The following ARHGAP45 variants were observed in gnomAD, a reference collection of about 807,000 sequenced individuals.
The protein encoded by ARHGAP45 is Rho GTPase activating protein 45, also known as rho GTPase-activating protein 45.
ARHGAP45 carries 56 observed loss-of-function variants against 116.1 expected under a neutral mutation model. The observed-to-expected ratio is 0.48, with a 90% CI of 0.39 to 0.60. The LOEUF is 0.60. ARHGAP45 is among the 20% of genes least tolerant of loss of function. ARHGAP45 has a pLI of 0.00. For missense variants in ARHGAP45, 1,622 were observed against 1,601.0 expected (o/e 1.01, Z -0.22); for synonymous variants, 866 against 701.7 (o/e 1.23, Z -3.70).
chr19:1,084,068 C>T (rs748960465), intron 21 of ARHGAP45, among the ~76,000 whole-genome samples, 170 bp from the exon 22 acceptor site: 18 of 152,104 alleles, frequency 1.2e-4, no homozygotes, highest in Non-Finnish European at 2.1e-4. Context: ...ATCCATCTTC[C>T]CTGGGTGTTT....
At chr19:1,084,473 C>T (rs1484492327) in intron 22 of ARHGAP45, 127 bp downstream of exon 22, 4 of 682,726 alleles carry the variant, frequency 5.9e-6, no homozygotes, top group Non-Finnish European at 9.8e-6. Context: ...TGGATTTCGT[C>T]TGCCACGGAG....
intron 11 of ARHGAP45, among the ~76,000 whole-genome samples, chr19:1,079,474 A>C (rs1234905562): frequency 2.0e-5 from 3 of 148,030 alleles, no homozygotes; most frequent in Middle Eastern, 3.5e-3. Context: ...ACTGCACTCC[A>C]GCCTGGCCTA....
intron 20 of ARHGAP45, 22 bp from the exon 21 acceptor site, chr19:1,083,121 C>G (rs1235455659): frequency 1.3e-6 from 2 of 1,593,378 alleles, no homozygotes; most frequent in African/African-American, 1.3e-5. Flanking sequence ...CGCTCAGCAC[C>G]TGGCCCCTGC....
At position 1,085,859 on chromosome 19, in the gene ARHGAP45, G is replaced by C; in HGVS notation, c.3264G>C (p.Gly1088=). 6.2e-7 allele frequency: 1 copy of C among 1,612,254 alleles called. No homozygotes were observed. The highest frequency in any genetic ancestry group is 8.5e-7 in the Non-Finnish European group (1 of 1,179,850). ...LEATAREDGD[G]DEDGPAQQLS... is the part of the protein sequence containing the mutation. ...CCACAGCCCGGGAGGACGGGGACGG[G>C]GACGAGGACGGCCCGGCCCAGCAGC... The change falls in exon 23 of 23, where the codon GGG becomes GGC. Residue 1088 remains glycine (G), a synonymous_variant. Transcript: ENST00000313093.
Position 1,085,648 on chromosome 19 carries a change from TC to T in ARHGAP45, c.3065-9del, listed in dbSNP as rs1211395951. 6.5e-7 allele frequency: 1 copy of T among 1,538,804 alleles called. No homozygotes were observed. Among genetic ancestry groups the T allele is most frequent in the Non-Finnish European group, 8.8e-7 (1 of 1,137,826 alleles). On this transcript the variant is annotated splice_polypyrimidine_tract_variant and intron_variant, in intron 22 of 22. Coordinates refer to ENST00000313093, the MANE Select transcript of ARHGAP45 (RefSeq NM_012292.5). The stretch of plus-strand genomic sequence containing the variant: ...TGTCTGTCTCCCCCCGCCATCTGTC[TC>T]CCTTTCTTAGAATCCCGAGTTGTGT...
chr19:1,082,553 G>T, intron 19 of ARHGAP45: 1 of 470,698 alleles, frequency 2.1e-6, no homozygotes. Context: ...TGGTTGGGAA[G>T]GGGTCAGACT....
chr19:1,075,611 G>T (rs1234414570), intron 10 of ARHGAP45, among the ~76,000 whole-genome samples: 1 of 151,306 alleles, frequency 6.6e-6, no homozygotes, highest in Non-Finnish European at 1.5e-5. Context: ...GCGCCTTTTT[G>T]TTTGTTTCTT....
In ARHGAP45 at chr19:1,080,534, C is replaced by T. The variant is rs140570939; in HGVS notation, c.1899C>T (p.Pro633=). ...CAGACTCGGACAGTGGGCTGGACCC[C>T]GGCCCTGGCGCAGGTGAGGGAGGCT... ...SISDSDSGLD[P]GPGAGDFKKF... is the part of the protein sequence containing the mutation. Residue 633 remains proline (P), a synonymous_variant, in exon 15 of 23, where the codon CCC becomes CCT. Coordinates refer to ENST00000313093, the MANE Select transcript of ARHGAP45 (RefSeq NM_012292.5). 1.2e-4 allele frequency: 200 copies of T among 1,612,900 alleles called. No homozygotes were observed. In the African/African-American group the frequency reaches 2.3e-3, roughly 18 times the overall value.
Position 1,067,294 on chromosome 19 carries a change from C to A in ARHGAP45, c.-112C>A. On this transcript the variant is annotated 5_prime_UTR_variant, in exon 1 of 23. Transcript: ENST00000313093. Reference sequence around the variant, plus strand: ...GGCCGGGCCTGTCACGTGGGCCTGACAGCTGGGGAGGGGGTGGCCGGCGAC... The same window carrying A: ...GGCCGGGCCTGTCACGTGGGCCTGAAAGCTGGGGAGGGGGTGGCCGGCGAC... The A allele has an allele frequency of 7.0e-7, 1 of 1,422,288 alleles. No homozygotes were observed. The highest frequency in any genetic ancestry group is 9.2e-7 in the Non-Finnish European group (1 of 1,090,190). The allele number at this position is 1,422,288 out of a possible 1,614,324, so 88.1% of individuals were successfully genotyped here. A position where few individuals can be genotyped will look rare whatever the true frequency, so the allele number is the denominator to read the frequency against.
intron 11 of ARHGAP45, 149 bp downstream of exon 11, chr19:1,078,194 A>G: frequency 1.5e-6 from 2 of 1,316,488 alleles, no homozygotes; most frequent in East Asian, 2.6e-5. Context: ...CCCAGGCTGG[A>G]GTGCAGTGGC....
intron 22 of ARHGAP45, 152 bp from the exon 23 acceptor site, chr19:1,085,508 C>CTTCCAT: frequency 1.6e-6 from 1 of 615,448 alleles, no homozygotes; most frequent in Non-Finnish European, 2.8e-6. Context: ...CCTTGTCTCT[C>CTTCCAT]CTCCATCTCT....
chr19:1,068,652 C>T lies in ARHGAP45; in HGVS notation c.329C>T (p.Pro110Leu), dbSNP rs751570740. The change falls in exon 2 of 23, where the codon CCG becomes CTG. Residue 110 changes from proline (P) to leucine (L), a missense_variant. Around this residue, in one of 3 missense-constraint regions of ARHGAP45, gnomAD observed 279 missense variants for 311.9 expected, o/e 0.89. Coordinates refer to ENST00000313093, the MANE Select transcript of ARHGAP45 (RefSeq NM_012292.5). The surrounding 1 kb of genome is among the most constrained non-coding windows in gnomAD (Gnocchi z 7.5). Reference protein sequence around the residue: ...PGELPTEGAGPDVVEDISHLL... With the variant: ...PGELPTEGAGLDVVEDISHLL... ...GAGCTGCCCACCGAGGGTGCCGGCC[C>T]GGACGTCGTCGAGGACATCTCCCAT... 1.1e-5 allele frequency: 17 copies of T among 1,612,486 alleles called. No individual in the cohort carries two copies. The highest frequency in any genetic ancestry group is 1.6e-4 in the Middle Eastern group (1 of 6,084).
At chr19:1,074,986 GC>G (rs938246325) in intron 10 of ARHGAP45, 107 bp downstream of exon 10, 16 of 915,014 alleles carry the variant, frequency 1.7e-5, no homozygotes, top group Non-Finnish European at 2.3e-5. Context: ...CTCCGCACAC[GC>G]CCCGGCCTCC....
Position 1,081,726 on chromosome 19 carries a change from G to C in ARHGAP45, c.2367G>C (p.Ala789=). ...KKCVCEIERR[A]LRTKGIYRVN... ...GCGTCTGCGAGATCGAGCGGCGGGCGCTGCGCACCAAGGTGAGGCGGGGGA... is the reference window on the plus strand; with the variant it reads ...GCGTCTGCGAGATCGAGCGGCGGGCCCTGCGCACCAAGGTGAGGCGGGGGA... The change falls in exon 18 of 23, where the codon GCG becomes GCC. Residue 789 remains alanine (A), a synonymous_variant. Transcript: ENST00000313093. The C allele has an allele frequency of 6.4e-7, 1 of 1,568,208 alleles. No homozygotes were observed. The highest frequency in any genetic ancestry group is 8.6e-7 in the Non-Finnish European group (1 of 1,156,690).
Position 1,083,134 on chromosome 19 carries a change from A to G in ARHGAP45, c.2745-9A>G, listed in dbSNP as rs768783543. On this transcript the variant is annotated splice_polypyrimidine_tract_variant and intron_variant, in intron 20 of 22. Transcript: ENST00000313093. ...GCCGCTCAGCACCTGGCCCCTGCCC[A>G]CCCCGCAGGATCGTGGAGGTGGAGC... is the stretch of plus-strand genomic sequence containing the variant. 6.2e-7 allele frequency: 1 copy of G among 1,601,314 alleles called. No individual in the cohort carries two copies. Among genetic ancestry groups the G allele is most frequent in the Non-Finnish European group, 8.5e-7 (1 of 1,176,556 alleles).
chr19:1,081,325 G>A (rs1183469960), intron 17 of ARHGAP45: 1 of 639,918 alleles, frequency 1.6e-6, no homozygotes, highest in Non-Finnish European at 2.6e-6. Context: ...GGAGGGCAAA[G>A]GCCCTGGAGC....
At chr19:1,082,676 A>C in intron 19 of ARHGAP45, 164 bp from the exon 20 acceptor site, 1 of 613,220 alleles carries the variant, frequency 1.6e-6, no homozygotes, top group Non-Finnish European at 2.7e-6. Flanking sequence ...GGCAGGGCTC[A>C]CGCTGGGCTG....
chr19:1,086,044 T>G lies in ARHGAP45; in HGVS notation c.*38T>G, dbSNP rs3761026. ...CTGGGACCACAGGTGGCTTCTCTCT[T>G]GCCTGCTCCTGTCCCTCCAGCACGT... On this transcript the variant is annotated 3_prime_UTR_variant, in exon 23 of 23. Transcript: ENST00000313093. The G allele has an allele frequency of 1.3e-6, 2 of 1,551,484 alleles. No homozygotes were observed. The highest frequency in any genetic ancestry group is 1.8e-6 in the Non-Finnish European group (2 of 1,132,404).
rs76433895 is a variant in ARHGAP45 at position 1,073,027 on chromosome 19, C to T, written c.422-122C>T. 5,145 of 1,198,134 alleles carry T rather than the reference C, an allele frequency of 4.3e-3. 169 individuals are homozygous for T. The African/African-American group carries it at 0.068, about 16-fold the overall frequency. 74.2% of individuals were successfully genotyped at this position (1,198,134 alleles called of 1,614,324 possible). The stretch of plus-strand genomic sequence containing the variant: ...CTCGAAATGAGCCCCAGGCATCTGC[C>T]GTCTTCCACCTCTGCCTCAGTTTCC... On this transcript the variant is annotated intron_variant, in intron 2 of 22. Coordinates refer to ENST00000313093, the MANE Select transcript of ARHGAP45 (RefSeq NM_012292.5).
Sources: gnomAD v4.1 joint callset for allele counts (sites outside exome capture counted in the v4.1 genomes callset) on GRCh38, gnomAD v4.1.1 for gene constraint, gnomAD v4.1.1 regional missense constraint, Gnocchi (gnomAD v3.1) non-coding constraint, MANE v1.5 for transcripts, NCBI Gene and HGNC (gene_info 2026-07-23, HGNC 2026-07-21) for gene names.